Variants in PTGER3 observed in about 807,000 individuals in gnomAD.
PTGER3 encodes the protein prostaglandin E receptor 3.
A neutral mutation model predicts 34.7 loss-of-function variants in PTGER3; 22 were observed. The ratio of observed to expected loss-of-function variants is 0.63; its 90% CI spans 0.45 to 0.91. The LOEUF (loss-of-function observed/expected upper bound fraction) is 0.91. Among genes scored for constraint, PTGER3 ranks in the 40% least tolerant of loss-of-function variants. PTGER3 has a pLI of 0.00. For missense variants in PTGER3, 468 were observed against 519.4 expected, an observed-to-expected ratio of 0.90 and a Z score of 0.96; for synonymous variants, 241 against 230.1, an observed-to-expected ratio of 1.05 and a Z score of -0.43.
intron 4 of PTGER3, among the ~76,000 whole-genome samples, chr1:70,912,364 C>A (rs1244238985): frequency 6.6e-6 from 1 of 151,956 alleles, no homozygotes; most frequent in African/African-American, 2.4e-5. Context: ...ATTTATTGAA[C>A]TGGTTCAAGT....
downstream of PTGER3, among the ~76,000 whole-genome samples, chr1:70,967,353 T>C (rs145940615): frequency 8.3e-4 from 127 of 152,232 alleles, 3 homozygotes; most frequent in East Asian, 0.023. Flanking sequence ...TCTGCTAGGC[T>C]CTATAGGTTC....
chr1:71,046,645 C>G (rs376509801), intron 1 of PTGER3, 36 bp downstream of exon 1: 2 of 1,509,700 alleles, frequency 1.3e-6, no homozygotes, highest in African/African-American at 1.4e-5. Flanking sequence ...TACTCGCACA[C>G]GCATCCTGAC....
chr1:70,957,855 C>G (rs1006598768), intron 2 of PTGER3, among the ~76,000 whole-genome samples: 12 of 152,136 alleles, frequency 7.9e-5, no homozygotes, highest in African/African-American at 2.9e-4. Flanking sequence ...CCCCTTCCAG[C>G]CTTTGGTAGC....
intron 2 of PTGER3, chr1:71,008,380 T>G (rs1353430579): frequency 1.2e-6 from 1 of 867,380 alleles, no homozygotes; most frequent in African/African-American, 1.8e-5. Flanking sequence ...CATAATGTAA[T>G]GGTATATGAC....
Position 71,036,089 on chromosome 1 carries a change from T to G in PTGER3, c.897+10592A>C, listed in dbSNP as rs1257698432. ...AACAAATTACATTGGAGCAGAAGTT[T>G]CAGAAGAATTACTTATTCTGGTAAA... is the stretch of plus-strand genomic sequence containing the variant. On this transcript the variant is annotated intron_variant, in intron 1 of 3. Coordinates refer to ENST00000306666, the MANE Select transcript of PTGER3 (RefSeq NM_198719.2). Among the ~76,000 whole-genome samples the G allele has an allele frequency of 2.0e-5, 3 of 152,244 alleles. No individual in the cohort carries two copies. The East Asian group carries it at 5.8e-4, about 29-fold the overall frequency.
At chr1:70,960,642 A>G (rs527393499) in intron 2 of PTGER3, among the ~76,000 whole-genome samples, 44 of 152,160 alleles carry the variant, frequency 2.9e-4, no homozygotes, top group Non-Finnish European at 5.3e-4. Flanking sequence ...CAAAGAAGCA[A>G]GAGGATCAAG....
At chr1:71,029,110 T>G (rs183334115) in intron 1 of PTGER3, among the ~76,000 whole-genome samples, 1 of 152,194 alleles carries the variant, frequency 6.6e-6, no homozygotes, top group Non-Finnish European at 1.5e-5. Flanking sequence ...TAAAAAACCA[T>G]CTAATGTATG....
chr1:70,968,302 A>C (rs1051594430), downstream of PTGER3, among the ~76,000 whole-genome samples: 2 of 152,218 alleles, frequency 1.3e-5, no homozygotes, highest in African/African-American at 4.8e-5. Flanking sequence ...TTAATGTTAT[A>C]TGTTTGTTTC....
intron 1 of PTGER3, among the ~76,000 whole-genome samples, chr1:71,037,339 C>T (rs190880496): frequency 3.9e-5 from 6 of 152,302 alleles, no homozygotes; most frequent in Non-Finnish European, 1.5e-5. Flanking sequence ...GCACAGATTG[C>T]ATACTGCTCA....
intron 4 of PTGER3, among the ~76,000 whole-genome samples, chr1:70,870,518 G>A (rs1342064409): frequency 7.2e-5 from 11 of 152,174 alleles, no homozygotes; most frequent in Non-Finnish European, 2.9e-5. Flanking sequence ...CTGCCACATG[G>A]CTAGGCTGAG....
chr1:70,867,573 A>C (rs1234281855), intron 4 of PTGER3, among the ~76,000 whole-genome samples: 2 of 151,950 alleles, frequency 1.3e-5, no homozygotes, highest in Non-Finnish European at 2.9e-5. Context: ...ATACAAAAAC[A>C]AATTAGCCAG....
chr1:70,992,411 T>C (rs944619871), intron 2 of PTGER3, among the ~76,000 whole-genome samples: 11 of 152,210 alleles, frequency 7.2e-5, no homozygotes, highest in African/African-American at 2.2e-4. Context: ...AAGCCTGATA[T>C]ACACAACAGA....
chr1:71,007,961 A>G, intron 2 of PTGER3: 2 of 985,114 alleles, frequency 2.0e-6, no homozygotes, highest in Non-Finnish European at 2.4e-6. Context: ...TCTTATCTTT[A>G]CTCCCATAAT....
chr1:71,047,549 T>C lies in PTGER3; in HGVS notation c.29A>G (p.Asp10Gly). The C allele has an allele frequency of 6.4e-7, 1 of 1,568,078 alleles. No individual in the cohort carries two copies. Among genetic ancestry groups the C allele is most frequent in the Middle Eastern group, 1.7e-4 (1 of 5,936 alleles). ...GTTGAGGCGGGTGCAGAAGGGGGCA[T>C]CCCCTCCGTAGCCCCGGGTCTCCTT... MKETRGYGG[D>G]APFCTRLNHS... The change falls in exon 1 of 4, where the codon GAT becomes GGT. Residue 10 changes from aspartate to glycine, a missense_variant. Asp to Gly is a moderately conservative substitution (Grantham distance 94). This residue lies in a region of PTGER3 where 151 missense variants were observed against 133.5 expected (regional missense o/e 1.13). Coordinates refer to ENST00000306666, the MANE Select transcript of PTGER3 (RefSeq NM_198719.2).
Position 71,046,853 on chromosome 1 carries a change from A to G in PTGER3, c.725T>C (p.Leu242Pro). 1 of 1,614,080 alleles carries G rather than the reference A, an allele frequency of 6.2e-7. No individual in the cohort carries two copies. Among genetic ancestry groups the G allele is most frequent in the Non-Finnish European group, 8.5e-7 (1 of 1,180,016 alleles). The change falls in exon 1 of 4, where the codon CTG becomes CCG. Residue 242 changes from leucine (L) to proline (P), a missense_variant. By Grantham distance (98) the Leu-to-Pro change is moderately conservative. Coordinates refer to ENST00000306666, the MANE Select transcript of PTGER3 (RefSeq NM_198719.2). ...SAFAFLGLLALTVTFSCNLAT... is the reference protein window; with the variant it reads ...SAFAFLGLLAPTVTFSCNLAT... ...CAGGTTGCAGGAAAAGGTGACTGTC[A>G]GCGCCAAGAGCCCCAGGAAGGCAAA...
chr1:70,986,333 T>C (rs1010977628), intron 2 of PTGER3, among the ~76,000 whole-genome samples: 1 of 152,198 alleles, frequency 6.6e-6, no homozygotes, highest in Non-Finnish European at 1.5e-5. Context: ...CTCTGTAGAC[T>C]CACCCTGAAG....
At position 70,925,732 on chromosome 1, in the gene PTGER3, T is replaced by C. The variant is rs928447203; in HGVS notation, c.*23+28031A>G. ...AATAAGGAAAGTATAACAAATGAAA[T>C]TTATCTTAAGTGGGGTTTTGTTAGT... On this transcript the variant is annotated intron_variant, in intron 4 of 4. Transcript: ENST00000370931. Among the ~76,000 whole-genome samples the C allele has an allele frequency of 3.9e-5, 6 of 152,146 alleles. 1 individual carries two copies. The South Asian group carries it at 1.0e-3, about 26-fold the overall frequency.
intron 4 of PTGER3, among the ~76,000 whole-genome samples, chr1:70,897,276 G>A (rs1431021555): frequency 1.3e-5 from 2 of 152,092 alleles, no homozygotes; most frequent in Non-Finnish European, 2.9e-5. Context: ...GTGTTCTTTA[G>A]CTTGAAGAAA....
At chr1:70,895,752 G>C (rs1646710868) in intron 4 of PTGER3, among the ~76,000 whole-genome samples, 1 of 152,174 alleles carries the variant, frequency 6.6e-6, no homozygotes, top group Non-Finnish European at 1.5e-5. Context: ...GTGATGTTAA[G>C]GTAACAGCAT....
Sources: gnomAD v4.1 joint callset for allele counts (sites outside exome capture counted in the v4.1 genomes callset) on GRCh38, gnomAD v4.1.1 for gene constraint, gnomAD v4.1.1 regional missense constraint, MANE v1.5 for transcripts, NCBI Gene and HGNC (gene_info 2026-07-23, HGNC 2026-07-21) for gene names.